The following HPSE2 variants were observed in gnomAD, a reference collection of about 807,000 sequenced individuals.
HPSE2 encodes the protein inactive heparanase-2.
HPSE2 carries 38 observed loss-of-function variants against 60.5 expected under a neutral mutation model. The ratio of observed to expected loss-of-function variants is 0.63; its 90% CI spans 0.48 to 0.82. HPSE2 has a LOEUF of 0.82. Among genes scored for constraint, HPSE2 ranks in the 40% least tolerant of loss-of-function variants. HPSE2 has a pLI of 0.00. For missense variants in HPSE2, 713 were observed against 740.4 expected (o/e 0.96, Z 0.43); for synonymous variants, 295 against 293.2 (o/e 1.01, Z -0.06).
At chr10:99,257,271 G>A in the HPSE2 span, among the ~76,000 whole-genome samples, 1 of 152,170 alleles carries the variant, frequency 6.6e-6, no homozygotes, top group East Asian at 1.9e-4. Context: ...CAATGTTCAG[G>A]GAACAAGAGA....
chr10:99,252,738 G>T, the HPSE2 span, among the ~76,000 whole-genome samples: 1 of 152,004 alleles, frequency 6.6e-6, no homozygotes, highest in African/African-American at 2.4e-5. Context: ...TTAGCTGGGC[G>T]TGGTGGCGGG....
chr10:99,132,150 A>G (rs1246630475), intron 3 of HPSE2, among the ~76,000 whole-genome samples: 106 of 9,362 alleles, frequency 0.011, 1 homozygote, highest in Middle Eastern at 0.033. Context: ...AGAAAGGAAG[A>G]AAGAAAGAAA....
chr10:98,743,965 G>A lies in HPSE2; in HGVS notation c.702C>T (p.Asn234=), dbSNP rs962672392. Residue 234 remains asparagine (N), a synonymous_variant, in exon 4 of 12, where the codon AAC becomes AAT. Transcript: ENST00000370552. ...ALNALRRNPN[N]SWNSSSALSL... is the part of the protein sequence containing the mutation. The stretch of plus-strand genomic sequence containing the variant: ...TCAGGGCACTAGAACTGTTCCAGGA[G>A]TTATTGGGATTACGACGCAGTGCAT... 30 of 1,613,958 alleles carry A rather than the reference G, an allele frequency of 1.9e-5. No homozygotes were observed. Among genetic ancestry groups the A allele is most frequent in the African/African-American group, 2.7e-5 (2 of 74,926 alleles).
At chr10:99,229,212 G>A (rs1385742563) in intron 2 of HPSE2, among the ~76,000 whole-genome samples, 6 of 151,230 alleles carry the variant, frequency 4.0e-5, no homozygotes, top group East Asian at 1.9e-4. Context: ...CAATATAAAC[G>A]GATTAACCAG....
At chr10:98,973,647 T>G (rs1162344451) in intron 3 of HPSE2, among the ~76,000 whole-genome samples, 3 of 152,212 alleles carry the variant, frequency 2.0e-5, no homozygotes, top group Non-Finnish European at 4.4e-5. Flanking sequence ...GATCACATCT[T>G]AGTTATAACA....
At chr10:98,805,599 G>A (rs1951024596) in intron 3 of HPSE2, among the ~76,000 whole-genome samples, 1 of 151,942 alleles carries the variant, frequency 6.6e-6, no homozygotes, top group Non-Finnish European at 1.5e-5. Context: ...AATAGAATTT[G>A]CACTGTTAAT....
At chr10:99,310,392 T>G in the HPSE2 span, among the ~76,000 whole-genome samples, 9 of 152,158 alleles carry the variant, frequency 5.9e-5, no homozygotes, top group Admixed American at 2.0e-4. Flanking sequence ...ATTGATTAGT[T>G]TTTCCTGTGT....
intron 5 of HPSE2, among the ~76,000 whole-genome samples, chr10:98,709,800 TATA>T (rs141692882): frequency 1.1e-3 from 173 of 152,304 alleles, no homozygotes; most frequent in Middle Eastern, 3.4e-3. Flanking sequence ...AGCTCTCTAT[TATA>T]ATAAGGCCCA....
intron 3 of HPSE2, among the ~76,000 whole-genome samples, chr10:98,859,043 C>T (rs1952387805): frequency 6.6e-6 from 1 of 152,202 alleles, no homozygotes; most frequent in Admixed American, 6.5e-5. Flanking sequence ...ATCCTCCCAC[C>T]TCAGCCTCCT....
At chr10:98,642,001 T>C in intron 6 of HPSE2, 61 bp from the exon 7 acceptor site, 1 of 1,378,932 alleles carries the variant, frequency 7.3e-7, no homozygotes, top group Middle Eastern at 1.9e-4. Context: ...TAAATACACT[T>C]CTCTAGCCCA....
intron 3 of HPSE2, among the ~76,000 whole-genome samples, chr10:98,831,853 G>T (rs1951690380): frequency 6.6e-6 from 1 of 152,126 alleles, no homozygotes; most frequent in African/African-American, 2.4e-5. Context: ...CATCATTCAA[G>T]ATCTTTATAG....
At chr10:99,259,708 A>C in the HPSE2 span, among the ~76,000 whole-genome samples, 1 of 152,226 alleles carries the variant, frequency 6.6e-6, no homozygotes, top group African/African-American at 2.4e-5. Context: ...CCCAGGCCAC[A>C]GACTGGTATC....
At chr10:99,255,222 T>G in the HPSE2 span, among the ~76,000 whole-genome samples, 2 of 152,196 alleles carry the variant, frequency 1.3e-5, no homozygotes, top group Admixed American at 1.3e-4. Flanking sequence ...GGGTTTAATG[T>G]GTTTCTTATA....
At chr10:99,010,768 C>A (rs918329976) in intron 3 of HPSE2, among the ~76,000 whole-genome samples, 7 of 152,082 alleles carry the variant, frequency 4.6e-5, no homozygotes, top group Admixed American at 3.3e-4. Context: ...AAATATTAGT[C>A]AAATACTCGA....
chr10:98,693,771 A>T, intron 6 of HPSE2, 129 bp downstream of exon 6: 2 of 805,640 alleles, frequency 2.5e-6, no homozygotes, highest in Non-Finnish European at 2.2e-6. Context: ...CTTTGGAGTT[A>T]CTTTCAAATT....
chr10:99,139,301 G>T (rs936705961), intron 3 of HPSE2, among the ~76,000 whole-genome samples: 53 of 152,052 alleles, frequency 3.5e-4, no homozygotes, highest in African/African-American at 1.2e-3. Context: ...GGGGGAGAAA[G>T]GAGAAAAACA....
At chr10:98,956,452 C>T (rs1368147337) in intron 3 of HPSE2, among the ~76,000 whole-genome samples, 1 of 152,114 alleles carries the variant, frequency 6.6e-6, no homozygotes, top group Non-Finnish European at 1.5e-5. Flanking sequence ...TTATTTCTCT[C>T]TCATTTAAAA....
At chr10:98,884,009 A>G (rs1041311854) in intron 3 of HPSE2, among the ~76,000 whole-genome samples, 16 of 152,142 alleles carry the variant, frequency 1.1e-4, no homozygotes, top group African/African-American at 3.9e-4. Context: ...TTATTGAAGA[A>G]AATAGAAATT....
chr10:99,132,195 G>A (rs12247184), intron 3 of HPSE2, among the ~76,000 whole-genome samples: 599 of 13,724 alleles, frequency 0.044, 35 homozygotes, highest in Admixed American at 0.069. Context: ...GAAAGAAAGA[G>A]AGAGAGAGAG....
Sources: allele counts gnomAD v4.1 joint callset (sites outside exome capture counted in the v4.1 genomes callset), GRCh38; gene constraint gnomAD v4.1.1; transcripts MANE v1.5; gene names NCBI Gene and HGNC (gene_info 2026-07-23, HGNC 2026-07-21).